The following PIK3CA variants were observed in gnomAD, a reference collection of about 807,000 sequenced individuals.
The protein encoded by PIK3CA is phosphatidylinositol 4,5-bisphosphate 3-kinase catalytic subunit alpha isoform.
PIK3CA carries 27 observed loss-of-function variants against 138.2 expected under a neutral mutation model. That is an observed-to-expected ratio of 0.20 (90% CI 0.14 to 0.27). The LOEUF (loss-of-function observed/expected upper bound fraction) is 0.27. PIK3CA is among the 10% of genes least tolerant of loss of function. The pLI is 1.00. For synonymous variants in PIK3CA, 358 were observed against 413.2 expected (o/e 0.87, Z 1.62); for missense variants, 544 against 1,277.4 (o/e 0.43, Z 8.75).
chr3:179,203,596 C>A lies in PIK3CA; in HGVS notation c.866C>A (p.Ala289Asp), dbSNP rs2108392680. The A allele has an allele frequency of 6.2e-7, 1 of 1,613,814 alleles. No homozygotes were observed. Among genetic ancestry groups the A allele is most frequent in the Non-Finnish European group, 8.5e-7 (1 of 1,179,828 alleles). The change falls in exon 5 of 21, where the codon GCT becomes GAT. Residue 289 changes from alanine to aspartate, a missense_variant. Coordinates refer to ENST00000263967, the MANE Select transcript of PIK3CA (RefSeq NM_006218.4). ...LGRMPNLMLM[A>D]KESLYSQLPM... ...AGGATGCCCAATTTGATGTTGATGG[C>A]TAAAGAAAGCCTTTATTCTCAACTG...
chr3:179,176,337 A>C (rs185561907), intron 1 of PIK3CA, among the ~76,000 whole-genome samples: 1 of 152,202 alleles, frequency 6.6e-6, no homozygotes, highest in African/African-American at 2.4e-5. Context: ...ATGGGGTTTC[A>C]TGAGAATTGA....
At chr3:179,195,727 A>G (rs1223136022) in intron 1 of PIK3CA, among the ~76,000 whole-genome samples, 2 of 152,218 alleles carry the variant, frequency 1.3e-5, no homozygotes, top group African/African-American at 4.8e-5. Flanking sequence ...TATTGGAGGC[A>G]AGTGACTTCA....
intron 17 of PIK3CA, among the ~76,000 whole-genome samples, chr3:179,226,962 G>A (rs1319422688): frequency 6.6e-6 from 1 of 151,980 alleles, no homozygotes; most frequent in African/African-American, 2.4e-5. Flanking sequence ...TGTCATGAGA[G>A]ATCCACATGC....
intron 14 of PIK3CA, among the ~76,000 whole-genome samples, chr3:179,223,126 T>G (rs2108415838): frequency 6.6e-6 from 1 of 152,360 alleles, no homozygotes; most frequent in East Asian, 1.9e-4. Context: ...AGCATTGTGC[T>G]AACATTAGAG....
intron 1 of PIK3CA, among the ~76,000 whole-genome samples, chr3:179,171,694 A>G (rs931023304): frequency 6.6e-6 from 1 of 152,184 alleles, no homozygotes; most frequent in Non-Finnish European, 1.5e-5. Flanking sequence ...CTCCAAAAGA[A>G]GTAGAAAATC....
intron 1 of PIK3CA, among the ~76,000 whole-genome samples, chr3:179,172,219 A>G (rs1227967260): frequency 6.6e-6 from 1 of 152,162 alleles, no homozygotes; most frequent in Non-Finnish European, 1.5e-5. Context: ...TTAGCAAGCT[A>G]GGAATTGAAG....
chr3:179,206,787 G>C (rs1185555901), intron 6 of PIK3CA, among the ~76,000 whole-genome samples: 1 of 151,926 alleles, frequency 6.6e-6, no homozygotes, highest in Non-Finnish European at 1.5e-5. Context: ...ATGGTGGTGT[G>C]TGTACCTATA....
At chr3:179,200,693 G>T (rs1421043064) in intron 3 of PIK3CA, among the ~76,000 whole-genome samples, 2 of 152,026 alleles carry the variant, frequency 1.3e-5, no homozygotes, top group Non-Finnish European at 2.9e-5. Context: ...TAGACAACTT[G>T]AAAGAAATGT....
At chr3:179,211,137 G>A (rs770067948) in intron 9 of PIK3CA, among the ~76,000 whole-genome samples, 10 of 151,846 alleles carry the variant, frequency 6.6e-5, no homozygotes, top group East Asian at 1.9e-4. Flanking sequence ...TATCATTTAC[G>A]ACCATAAAAT....
chr3:179,156,843 T>C (rs1021500944), intron 1 of PIK3CA, among the ~76,000 whole-genome samples: 8 of 152,126 alleles, frequency 5.3e-5, no homozygotes, highest in African/African-American at 1.7e-4. Flanking sequence ...GATGGACTTA[T>C]GGCAGGTCTA....
intron 1 of PIK3CA, among the ~76,000 whole-genome samples, chr3:179,198,413 G>C (rs1185669653): frequency 6.6e-6 from 1 of 152,142 alleles, no homozygotes; most frequent in Admixed American, 6.6e-5. Context: ...TATGCAATGG[G>C]AATTTTGGGT....
At chr3:179,213,351 G>A (rs1724763472) in intron 9 of PIK3CA, among the ~76,000 whole-genome samples, 2 of 152,182 alleles carry the variant, frequency 1.3e-5, no homozygotes, top group East Asian at 3.8e-4. Context: ...CATCTGTAAA[G>A]TGTGTGATAG....
At chr3:179,160,490 C>T (rs1403650624) in intron 1 of PIK3CA, among the ~76,000 whole-genome samples, 5 of 152,166 alleles carry the variant, frequency 3.3e-5, no homozygotes, top group African/African-American at 1.2e-4. Flanking sequence ...ACCAAAGAAA[C>T]AGCAGTTTGA....
At chr3:179,211,592 G>A (rs751416809) in intron 9 of PIK3CA, among the ~76,000 whole-genome samples, 20 of 152,212 alleles carry the variant, frequency 1.3e-4, no homozygotes, top group African/African-American at 3.4e-4. Flanking sequence ...GCTTGAACCC[G>A]GGAGGCAGAG....
At chr3:179,203,098 G>A (rs367840877) in intron 4 of PIK3CA, among the ~76,000 whole-genome samples, 1 of 151,556 alleles carries the variant, frequency 6.6e-6, no homozygotes, top group Non-Finnish European at 1.5e-5. Context: ...CCGCCACTAC[G>A]CCCGGCTAAT....
rs549094505 is a variant in PIK3CA at position 179,161,001 on chromosome 3, G to T, written c.-77+12398G>T. 4.6e-5 allele frequency among the ~76,000 whole-genome samples: 7 copies of T among 152,262 alleles called. No individual in the cohort carries two copies. The South Asian group carries it at 1.5e-3, about 32-fold the overall frequency. On this transcript the variant is annotated intron_variant, in intron 1 of 20. Transcript: ENST00000263967. ...TTCTGATCTAGAATTATAAGCAAAC[G>T]TGCTGTTTCATTGCATCAGACCTTC... is the stretch of plus-strand genomic sequence containing the variant.
At chr3:179,183,515 A>C (rs1216400211) in intron 1 of PIK3CA, among the ~76,000 whole-genome samples, 1 of 152,240 alleles carries the variant, frequency 6.6e-6, no homozygotes, top group East Asian at 1.9e-4. Flanking sequence ...TGTTTTGACC[A>C]ATAAATTTGG....
chr3:179,192,804 C>T (rs746121059), intron 1 of PIK3CA, among the ~76,000 whole-genome samples: 4 of 152,202 alleles, frequency 2.6e-5, no homozygotes, highest in Non-Finnish European at 5.9e-5. Context: ...CATGCTTTGA[C>T]GACCCTTGCC....
At chr3:179,203,133 G>A (rs1724461614) in intron 4 of PIK3CA, among the ~76,000 whole-genome samples, 1 of 151,544 alleles carries the variant, frequency 6.6e-6, no homozygotes, top group Non-Finnish European at 1.5e-5. Context: ...GTAGAGACGG[G>A]GTTTCACCGT....
Sources: allele counts gnomAD v4.1 joint callset (sites outside exome capture counted in the v4.1 genomes callset), GRCh38; gene constraint gnomAD v4.1.1; transcripts MANE v1.5; gene names NCBI Gene and HGNC (gene_info 2026-07-23, HGNC 2026-07-21).